Variants in NF1 observed in about 807,000 individuals in gnomAD.
NF1 encodes the protein neurofibromin 1, also known as neurofibromin.
In NF1, 122 loss-of-function variants were observed where a neutral mutation model predicts 325.7. The ratio of observed to expected loss-of-function variants is 0.37; its 90% CI spans 0.32 to 0.44. The LOEUF is 0.44. NF1 is among the 20% of genes least tolerant of loss of function. The probability of loss-of-function intolerance (pLI) is 1.00; values close to 1 mark genes in which losing one functional copy is unlikely to be tolerated. For missense variants in NF1, 2,140 were observed against 3,415.4 expected, an observed-to-expected ratio of 0.63 and a Z score of 9.31; for synonymous variants, 1,091 against 1,186.0, an observed-to-expected ratio of 0.92 and a Z score of 1.65.
intron 36 of NF1, among the ~76,000 whole-genome samples, chr17:31,274,149 A>G (rs1465464904): frequency 6.6e-6 from 1 of 152,206 alleles, no homozygotes; most frequent in Non-Finnish European, 1.5e-5. Flanking sequence ...GAAAAGGATT[A>G]CATATGAAAG....
At chr17:31,142,714 A>C (rs1463899704) in intron 1 of NF1, among the ~76,000 whole-genome samples, 1 of 152,038 alleles carries the variant, frequency 6.6e-6, no homozygotes, top group Non-Finnish European at 1.5e-5. Flanking sequence ...AAAAATACAA[A>C]AAATTAACCG....
At chr17:31,324,049 G>C (rs556718758) in intron 36 of NF1, among the ~76,000 whole-genome samples, 3 of 152,172 alleles carry the variant, frequency 2.0e-5, no homozygotes, top group Admixed American at 6.5e-5. Flanking sequence ...TATTAATGGA[G>C]TATGTGTGAT....
intron 47 of NF1, among the ~76,000 whole-genome samples, chr17:31,342,320 G>A (rs17880762): frequency 0.018 from 2,704 of 152,186 alleles, 68 homozygotes; most frequent in African/African-American, 0.061. Context: ...CAAATTGGCC[G>A]GGTGCAATGG....
chr17:31,284,030 G>T (rs557798882), intron 36 of NF1, among the ~76,000 whole-genome samples: 5 of 152,278 alleles, frequency 3.3e-5, no homozygotes, highest in African/African-American at 9.6e-5. Flanking sequence ...ATAATCTGGT[G>T]GTTATGACTT....
intron 1 of NF1, among the ~76,000 whole-genome samples, chr17:31,147,576 T>TGG (rs56050779): frequency 2.7e-5 from 1 of 36,810 alleles, no homozygotes; most frequent in Non-Finnish European, 1.6e-4. Flanking sequence ...AATTGCTGAA[T>TGG]GTGTGTGTGT....
chr17:31,225,714 A>G (rs2067001857), intron 17 of NF1, among the ~76,000 whole-genome samples: 1 of 152,212 alleles, frequency 6.6e-6, no homozygotes, highest in East Asian at 1.9e-4. Flanking sequence ...TCTTTTAAAT[A>G]TAAATCATAT....
At chr17:31,311,429 T>C (rs1223622051) in intron 36 of NF1, among the ~76,000 whole-genome samples, 2 of 152,200 alleles carry the variant, frequency 1.3e-5, no homozygotes, top group Non-Finnish European at 2.9e-5. Context: ...ATTACTTTGA[T>C]ATAATAAAAG....
chr17:31,307,195 T>C (rs1417123391), intron 36 of NF1, among the ~76,000 whole-genome samples: 8 of 151,548 alleles, frequency 5.3e-5, no homozygotes, highest in African/African-American at 1.5e-4. Flanking sequence ...CCTATTTTTG[T>C]ATTTTTAGCA....
At chr17:31,104,842 A>G (rs749065713) in intron 1 of NF1, among the ~76,000 whole-genome samples, 11 of 152,194 alleles carry the variant, frequency 7.2e-5, no homozygotes, top group Non-Finnish European at 1.5e-4. Flanking sequence ...GACCACTTCA[A>G]ATGTTATATG....
rs864622348 is a variant in NF1 at position 31,260,463 on chromosome 17, C to G, written c.4525C>G (p.Arg1509Gly). ...ISDGNVLALH[R>G]LLWNNQEKIG... ...TGACGGCAATGTGCTTGCTTTACATCGTCTACTCTGGAACAATCAGGAGAA... is the reference window on the plus strand; with the variant it reads ...TGACGGCAATGTGCTTGCTTTACATGGTCTACTCTGGAACAATCAGGAGAA... Residue 1509 changes from arginine to glycine, a missense_variant, in exon 34 of 58, where the codon CGT becomes GGT. By Grantham distance (125) the Arg-to-Gly change is moderately radical. Transcript: ENST00000358273. The G allele has an allele frequency of 6.2e-7, 1 of 1,613,938 alleles. No homozygotes were observed. Among genetic ancestry groups the G allele is most frequent in the Non-Finnish European group, 8.5e-7 (1 of 1,179,950 alleles).
Position 31,258,377 on chromosome 17 carries a change from G to C in NF1, c.4207G>C (p.Gly1403Arg), listed in dbSNP as rs138227618. 1 of 1,613,682 alleles carries C rather than the reference G, an allele frequency of 6.2e-7. No individual in the cohort carries two copies. The highest frequency in any genetic ancestry group is 8.5e-7 in the Non-Finnish European group (1 of 1,179,836). The change falls in exon 32 of 58, where the codon GGT (glycine) becomes CGT (arginine). Residue 1403 changes from glycine to arginine, a missense_variant. Transcript: ENST00000358273. ...VSQRFPQNSI[G>R]AVGSAMFLRF... Reference sequence around the variant, plus strand: ...CCAGCGTTTCCCTCAGAACAGCATCGGTGCAGTAGGAAGTGCCATGTTCCT... The same window carrying C: ...CCAGCGTTTCCCTCAGAACAGCATCCGTGCAGTAGGAAGTGCCATGTTCCT...
At position 31,131,500 on chromosome 17, in the gene NF1, A is replaced by G. The variant is rs1355737300; in HGVS notation, c.61-24483A>G. 3.9e-5 allele frequency among the ~76,000 whole-genome samples: 6 copies of G among 152,194 alleles called. No homozygotes were observed. In the East Asian group the frequency reaches 1.2e-3, roughly 29 times the overall value. On this transcript the variant is annotated intron_variant, in intron 1 of 57. Coordinates refer to ENST00000358273, the MANE Select transcript of NF1 (RefSeq NM_001042492.3). ...CTGTGTCTTCCCTCTGTCAGCACTC[A>G]GTGCTTTCCCTCTGAAGATCTGCTA...
intron 36 of NF1, chr17:31,295,537 G>T (rs966397464): frequency 6.2e-7 from 1 of 1,614,078 alleles, no homozygotes. Flanking sequence ...TGGGATACAT[G>T]TTATGTTCCT....
chr17:31,097,263 G>A (rs2143169425), intron 1 of NF1, among the ~76,000 whole-genome samples: 1 of 152,128 alleles, frequency 6.6e-6, no homozygotes, highest in East Asian at 1.9e-4. Flanking sequence ...TTTGAGACCA[G>A]CCTGACCAAC....
At chr17:31,342,751 GAC>G (rs2069855973) in intron 47 of NF1, among the ~76,000 whole-genome samples, 1 of 152,154 alleles carries the variant, frequency 6.6e-6, no homozygotes, top group African/African-American at 2.4e-5. Context: ...GATGTAAATT[GAC>G]AGTCATTTAT....
At chr17:31,287,139 A>ATT (rs1241570705) in intron 36 of NF1, among the ~76,000 whole-genome samples, 1 of 152,246 alleles carries the variant, frequency 6.6e-6, no homozygotes, top group African/African-American at 2.4e-5. Flanking sequence ...TATTTGAAGC[A>ATT]TAACTGAAGA....
Position 31,343,269 on chromosome 17 carries a change from G to A in NF1, c.7189+134G>A, listed in dbSNP as rs1221994958. The A allele has an allele frequency of 2.5e-5, 21 of 853,954 alleles. No homozygotes were observed. The South Asian group carries it at 2.8e-4, about 11-fold the overall frequency. The allele number at this position is 853,954 out of a possible 1,614,324, so 52.9% of individuals were successfully genotyped here. ...TTACTTTAAATGCAAACTAGGCCAG[G>A]CGTGGTGGCTCACGTCTGTAATACC... On this transcript the variant is annotated intron_variant, in intron 48 of 57. Coordinates refer to ENST00000358273, the MANE Select transcript of NF1 (RefSeq NM_001042492.3).
rs187703584 is a variant in NF1 at position 31,207,426 on chromosome 17, T to C, written c.1392+1055T>C. Reference sequence around the variant, plus strand: ...AGTCCCCTTAGTCAGTGAAATATTTTGGTTTTATACAGTTGTGGTTCACTC... The same window carrying C: ...AGTCCCCTTAGTCAGTGAAATATTTCGGTTTTATACAGTTGTGGTTCACTC... On this transcript the variant is annotated intron_variant, in intron 12 of 57. Transcript: ENST00000358273. Among the ~76,000 whole-genome samples the C allele has an allele frequency of 6.6e-5, 10 of 152,330 alleles. No individual in the cohort carries two copies. The East Asian group carries it at 1.9e-3, about 29-fold the overall frequency.
At chr17:31,131,712 T>A (rs764615148) in intron 1 of NF1, among the ~76,000 whole-genome samples, 1 of 152,208 alleles carries the variant, frequency 6.6e-6, no homozygotes, top group Non-Finnish European at 1.5e-5. Context: ...AACTTGCTGA[T>A]ATTTTGTTTA....
Sources: allele counts gnomAD v4.1 joint callset (sites outside exome capture counted in the v4.1 genomes callset), GRCh38; gene constraint gnomAD v4.1.1; transcripts MANE v1.5; gene names NCBI Gene and HGNC (gene_info 2026-07-23, HGNC 2026-07-21).